The following ZP2 variants were observed in gnomAD, a reference collection of about 807,000 sequenced individuals.
ZP2 encodes the protein zona pellucida glycoprotein 2.
Under a neutral mutation model 84.0 loss-of-function variants are expected in ZP2, and 51 were observed. The ratio of observed to expected loss-of-function variants is 0.61; its 90% confidence interval spans 0.49 to 0.77. ZP2 has a LOEUF of 0.77. ZP2 is among the 30% of genes least tolerant of loss of function. The pLI is 0.00. For missense variants in ZP2, 909 were observed against 911.9 expected, an observed-to-expected ratio of 1.00 and a Z score of 0.04; for synonymous variants, 375 against 330.9, an observed-to-expected ratio of 1.13 and a Z score of -1.45.
intron 2 of ZP2, 75 bp from the exon 3 acceptor site, chr16:21,210,267 C>CCCA: frequency 1.7e-6 from 2 of 1,177,336 alleles, no homozygotes; most frequent in Non-Finnish European, 2.5e-6. Flanking sequence ...ATAGACTCCT[C>CCCA]TCAGATGGGA....
At chr16:21,209,135 G>A (rs1236489785) in intron 4 of ZP2, among the ~76,000 whole-genome samples, 3 of 152,186 alleles carry the variant, frequency 2.0e-5, no homozygotes, top group Admixed American at 1.3e-4. Context: ...AACCAAAGAT[G>A]TTTCTAGATG....
At chr16:21,203,651 A>C (rs1301278533) in intron 9 of ZP2, 1 of 347,152 alleles carries the variant, frequency 2.9e-6, no homozygotes, top group African/African-American at 2.1e-5. Flanking sequence ...GTTCTAGTGA[A>C]GACTAACCTC....
At chr16:21,201,210 A>C (rs1423784454) in intron 14 of ZP2, among the ~76,000 whole-genome samples, 159 bp downstream of exon 14, 2 of 152,156 alleles carry the variant, frequency 1.3e-5, no homozygotes. Context: ...AAACAAAAAA[A>C]AAAAAAACAG....
chr16:21,198,660 C>G (rs62033379), intron 17 of ZP2, 119 bp downstream of exon 17: 2 of 790,882 alleles, frequency 2.5e-6, no homozygotes, highest in Non-Finnish European at 4.0e-6. Flanking sequence ...GAGACTTAGT[C>G]TTTTATTCTT....
chr16:21,206,470 G>A (rs745877997), intron 5 of ZP2, among the ~76,000 whole-genome samples: 13 of 152,162 alleles, frequency 8.5e-5, no homozygotes, highest in Non-Finnish European at 1.8e-4. Flanking sequence ...AGATGTGACT[G>A]GGTCGTTTTG....
chr16:21,203,131 A>G lies in ZP2; in HGVS notation c.1093T>C (p.Ser365Pro). Residue 365 changes from serine (S) to proline (P), a missense_variant, in exon 10 of 19, where the codon TCT (serine) becomes CCT (proline). Coordinates refer to ENST00000574091, the MANE Select transcript of ZP2 (RefSeq NM_001376232.1). ...TTTAATAAAAGGTCTTTACCTATAG[A>G]AACGGGTGACTCACAGAGACACTCA... The part of the protein sequence containing the change: ...YPECLCESPV[S>P]IVTGELCTQD... The G allele has an allele frequency of 1.2e-6, 2 of 1,613,510 alleles. No homozygotes were observed. Among genetic ancestry groups the G allele is most frequent in the Non-Finnish European group, 1.7e-6 (2 of 1,179,766 alleles).
chr16:21,205,110 G>A (rs181594362), intron 7 of ZP2, among the ~76,000 whole-genome samples: 1 of 152,272 alleles, frequency 6.6e-6, no homozygotes, highest in Admixed American at 6.5e-5. Flanking sequence ...AGCCTCCTGA[G>A]TAGTTGGGAT....
Position 21,209,641 on chromosome 16 carries a change from G to A in ZP2, c.320C>T (p.Thr107Ile). 3 of 1,614,070 alleles carry A rather than the reference G, an allele frequency of 1.9e-6. No individual in the cohort carries two copies. The highest frequency in any genetic ancestry group is 2.2e-5 in the South Asian group (2 of 91,086). ...LTLRATYDNC[T>I]RRVHGGHQMT... The stretch of plus-strand genomic sequence containing the variant: ...AAAGCAATGACTTACCACTCTCCTG[G>A]TACAGTTATCATAGGTAGCCCTCAG... Residue 107 changes from threonine to isoleucine, a missense_variant, in exon 4 of 19, where the codon ACC (threonine) becomes ATC (isoleucine). Coordinates refer to ENST00000574091, the MANE Select transcript of ZP2 (RefSeq NM_001376232.1).
At chr16:21,197,933 T>C in intron 17 of ZP2, 84 bp from the exon 18 acceptor site, 2 of 1,349,466 alleles carry the variant, frequency 1.5e-6, no homozygotes, top group Non-Finnish European at 2.1e-6. Flanking sequence ...ATCCCACAGG[T>C]TGTTCATTAA....
intron 9 of ZP2, chr16:21,203,794 A>C: frequency 1.7e-6 from 1 of 573,164 alleles, no homozygotes; most frequent in Non-Finnish European, 3.1e-6. Context: ...TAAGACTTAG[A>C]AAGACTTAGA....
intron 17 of ZP2, among the ~76,000 whole-genome samples, chr16:21,198,386 A>C (rs1453805093): frequency 6.6e-6 from 1 of 151,990 alleles, no homozygotes; most frequent in African/African-American, 2.4e-5. Flanking sequence ...CAAGAACAAA[A>C]CTTTATCTCA....
rs1555458740 is a variant in ZP2, at chr16:21,204,164, A to G, written c.838T>C (p.Phe280Leu). The G allele has an allele frequency of 6.2e-7, 1 of 1,614,058 alleles. No homozygotes were observed. The highest frequency in any genetic ancestry group is 1.1e-5 in the South Asian group (1 of 91,066). ...CTCACAGACTTAAGCTTCCCAGGAA[A>G]CTCTGGTATGGTGAGAGTCATGTGT... ...ATHMTLTIPE[F>L]PGKLKSVSFE... Residue 280 changes from phenylalanine (F) to leucine (L), a missense_variant, in exon 9 of 19, where the codon TTT (phenylalanine) becomes CTT (leucine). Physicochemically the swap from Phe to Leu is conservative, Grantham distance 22 (BLOSUM62 0). Transcript: ENST00000574091.
Position 21,202,098 on chromosome 16 carries a change from A to C in ZP2, c.1287+6T>G, listed in dbSNP as rs2093228547. On this transcript the variant is annotated splice_donor_region_variant and intron_variant, in intron 11 of 18. Coordinates refer to ENST00000574091, the MANE Select transcript of ZP2 (RefSeq NM_001376232.1). ...ACTTAACCTCGTGCCATCTGCCAGTACTAACCTTATATCTCGTTCCACATC... is the reference window on the plus strand; with the variant it reads ...ACTTAACCTCGTGCCATCTGCCAGTCCTAACCTTATATCTCGTTCCACATC... The C allele has an allele frequency of 6.2e-7, 1 of 1,613,476 alleles. No homozygotes were observed. The highest frequency in any genetic ancestry group is 1.3e-5 in the African/African-American group (1 of 74,874).
rs1347003550 is a variant in ZP2 at position 21,204,178 on chromosome 16, A to T, written c.824T>A (p.Leu275His). ...CTTCCCAGGAAACTCTGGTATGGTG[A>T]GAGTCATGTGTGTGGCATTGCAGGT... ...PVTCNATHMT[L>H]TIPEFPGKLK... is the part of the protein sequence containing the mutation. Residue 275 changes from leucine to histidine, a missense_variant, in exon 9 of 19, where the codon CTC (leucine) becomes CAC (histidine). Leu to His is a moderately conservative substitution (Grantham distance 99, BLOSUM62 -3). Coordinates refer to ENST00000574091, the MANE Select transcript of ZP2 (RefSeq NM_001376232.1). 1.9e-6 allele frequency: 3 copies of T among 1,614,148 alleles called. No individual in the cohort carries two copies. In the Admixed American group the frequency reaches 5.0e-5, roughly 27 times the overall value.
chr16:21,205,845 T>G, intron 5 of ZP2, 70 bp from the exon 6 acceptor site: 2 of 1,534,258 alleles, frequency 1.3e-6, no homozygotes, highest in Non-Finnish European at 1.8e-6. Flanking sequence ...TGCCAGAAAT[T>G]GCTGTGTGGT....
chr16:21,207,080 C>T (rs558280413), intron 4 of ZP2, 90 bp from the exon 5 acceptor site: 1 of 1,495,422 alleles, frequency 6.7e-7, no homozygotes, highest in African/African-American at 1.4e-5. Context: ...GTGGGAAAAC[C>T]CTTAAAGTTA....
At position 21,199,727 on chromosome 16, in the gene ZP2, C is replaced by A; in HGVS notation, c.1830+16G>T. On this transcript the variant is annotated intron_variant, in intron 15 of 18. Transcript: ENST00000574091. ...CTAACATTTAACCTGTCCCTGGTGA[C>A]TTCTGAATCACTTACCAGGCTAGAG... 6.2e-7 allele frequency: 1 copy of A among 1,613,784 alleles called. No homozygotes were observed. The highest frequency in any genetic ancestry group is 1.7e-4 in the Middle Eastern group (1 of 6,058).
At chr16:21,203,818 C>T in intron 9 of ZP2, 1 of 607,716 alleles carries the variant, frequency 1.6e-6, no homozygotes, top group Non-Finnish European at 2.9e-6. Flanking sequence ...TTTTTCATGA[C>T]AGAAGTTAAA....
intron 4 of ZP2, among the ~76,000 whole-genome samples, chr16:21,208,212 C>T (rs1435505312): frequency 1.3e-5 from 2 of 152,154 alleles, no homozygotes; most frequent in African/African-American, 4.8e-5. Flanking sequence ...AGCAAGCCTG[C>T]CTCAGAAAGA....
Sources: gnomAD v4.1 joint callset for allele counts (sites outside exome capture counted in the v4.1 genomes callset) on GRCh38, gnomAD v4.1.1 for gene constraint, MANE v1.5 for transcripts, NCBI Gene and HGNC (gene_info 2026-07-23, HGNC 2026-07-21) for gene names.